ENTPD1: variants seen among roughly 807,000 people sequenced by gnomAD.
The protein encoded by ENTPD1 is ectonucleoside triphosphate diphosphohydrolase 1, also known as ATP diphosphohydrolase.
Under a neutral mutation model 57.0 loss-of-function variants are expected in ENTPD1, and 33 were observed. The ratio of observed to expected loss-of-function variants is 0.58; its 90% CI spans 0.44 to 0.77. The LOEUF (loss-of-function observed/expected upper bound fraction) is 0.77, where lower values mean the gene tolerates loss of function less well. Ranked by LOEUF, ENTPD1 falls within the 30% of genes least tolerant of loss-of-function variation. ENTPD1 has a pLI of 0.00. For missense variants in ENTPD1, 501 were observed against 603.4 expected (o/e 0.83, Z 1.78); for synonymous variants, 202 against 218.8 (o/e 0.92, Z 0.68).
At chr10:95,712,034 T>A (rs1589632407) in intron 1 of ENTPD1, 2 of 1,613,262 alleles carry the variant, frequency 1.2e-6, no homozygotes, top group Non-Finnish European at 1.7e-6. Flanking sequence ...CCTCTCTCCC[T>A]CTGTGGAATC....
chr10:95,731,287 C>T (rs2097988746), intron 1 of ENTPD1, among the ~76,000 whole-genome samples: 1 of 152,120 alleles, frequency 6.6e-6, no homozygotes, highest in South Asian at 2.1e-4. Flanking sequence ...TGGTTAGGTT[C>T]AGCAGGAGAT....
upstream of ENTPD1, chr10:95,755,954 A>T: frequency 1.4e-6 from 2 of 1,471,448 alleles, no homozygotes; most frequent in Non-Finnish European, 1.8e-6. Flanking sequence ...TTGAATATAC[A>T]TTGCTTCAAG....
intron 6 of ENTPD1, among the ~76,000 whole-genome samples, chr10:95,846,626 CAA>C (rs1300926712): frequency 6.6e-6 from 1 of 152,160 alleles, no homozygotes; most frequent in African/African-American, 2.4e-5. Context: ...CACTGAGCCT[CAA>C]AGCTCCACTA....
At chr10:95,752,691 T>C (rs1302251237), upstream of ENTPD1, among the ~76,000 whole-genome samples, 1 of 152,144 alleles carries the variant, frequency 6.6e-6, no homozygotes, top group Non-Finnish European at 1.5e-5. Flanking sequence ...ATATTAATCA[T>C]TTAAAATTTA....
chr10:95,751,130 G>T (rs2098011331), upstream of ENTPD1, among the ~76,000 whole-genome samples: 1 of 152,124 alleles, frequency 6.6e-6, no homozygotes, highest in Non-Finnish European at 1.5e-5. Flanking sequence ...AGTTTAGAGA[G>T]GTAGAGAGAG....
In ENTPD1 at chr10:95,860,555, A is replaced by G. The variant is rs1460826835; in HGVS notation, c.1161A>G (p.Lys387=). The G allele has an allele frequency of 6.2e-7, 1 of 1,613,892 alleles. No homozygotes were observed. The highest frequency in any genetic ancestry group is 1.1e-5 in the South Asian group (1 of 91,080). ...VSQEKVTEMM[K]KFCAQPWEEI... is the part of the protein sequence containing the mutation. Reference sequence around the variant, plus strand: ...AGGAAAAGGTGACTGAGATGATGAAAAAGTTCTGTGCTCAGCCTTGGGAGG... The same window carrying G: ...AGGAAAAGGTGACTGAGATGATGAAGAAGTTCTGTGCTCAGCCTTGGGAGG... Residue 387 remains lysine (K), a synonymous_variant, in exon 8 of 10, where the codon AAA becomes AAG. Coordinates refer to ENST00000371205, the MANE Select transcript of ENTPD1 (RefSeq NM_001776.6).
intron 1 of ENTPD1, among the ~76,000 whole-genome samples, chr10:95,799,897 T>C (rs2098241745): frequency 1.3e-5 from 2 of 152,218 alleles, no homozygotes; most frequent in Admixed American, 1.3e-4. Context: ...TGTTGAGCTT[T>C]TTTTATATGA....
chr10:95,697,112 A>G, the ENTPD1 span, among the ~76,000 whole-genome samples: 1 of 152,218 alleles, frequency 6.6e-6, no homozygotes, highest in African/African-American at 2.4e-5. Context: ...CCTTATACAG[A>G]AATGGAAGTG....
chr10:95,710,374 C>T (rs183039582), upstream of ENTPD1, among the ~76,000 whole-genome samples: 6 of 152,210 alleles, frequency 3.9e-5, no homozygotes, highest in Admixed American at 3.9e-4. Flanking sequence ...CACTGCATTC[C>T]AGCTTGGGCA....
intron 1 of ENTPD1, among the ~76,000 whole-genome samples, chr10:95,737,759 T>C (rs1360346094): frequency 6.6e-6 from 1 of 152,212 alleles, no homozygotes; most frequent in Non-Finnish European, 1.5e-5. Flanking sequence ...GAATTTTGTT[T>C]TGTATTTATT....
At chr10:95,859,141 A>G (rs1310038825) in intron 7 of ENTPD1, among the ~76,000 whole-genome samples, 1 of 152,232 alleles carries the variant, frequency 6.6e-6, no homozygotes, top group Non-Finnish European at 1.5e-5. Context: ...TATTAGATAT[A>G]TATGTATAAG....
At chr10:95,728,768 A>G (rs940645045) in intron 1 of ENTPD1, among the ~76,000 whole-genome samples, 3 of 152,228 alleles carry the variant, frequency 2.0e-5, no homozygotes, top group Non-Finnish European at 4.4e-5. Context: ...GAAGGTAGCT[A>G]TGAAATCATT....
chr10:95,695,843 G>T, the ENTPD1 span, among the ~76,000 whole-genome samples: 3 of 152,054 alleles, frequency 2.0e-5, no homozygotes, highest in Non-Finnish European at 2.9e-5. Flanking sequence ...ATTAAAAATT[G>T]TTTTGTTGAA....
chr10:95,740,520 G>A (rs565181440), intron 1 of ENTPD1, among the ~76,000 whole-genome samples: 11 of 152,172 alleles, frequency 7.2e-5, no homozygotes, highest in South Asian at 4.1e-4. Flanking sequence ...GCCCTAACAA[G>A]AGAGTCATCC....
At chr10:95,824,447 G>T (rs921109209) in intron 2 of ENTPD1, among the ~76,000 whole-genome samples, 4 of 152,218 alleles carry the variant, frequency 2.6e-5, no homozygotes, top group African/African-American at 9.6e-5. Context: ...TTTTTGTCAA[G>T]TTCAACCCAG....
chr10:95,759,356 G>T (rs2098045681), intron 1 of ENTPD1, among the ~76,000 whole-genome samples: 1 of 152,188 alleles, frequency 6.6e-6, no homozygotes, highest in African/African-American at 2.4e-5. Flanking sequence ...GTGAAGCTCT[G>T]GCTGAACTTC....
rs2098360406 is a variant in ENTPD1 at position 95,823,257 on chromosome 10, T to C, written c.37T>C (p.Cys13Arg). 2 of 1,614,188 alleles carry C rather than the reference T, an allele frequency of 1.2e-6. No individual in the cohort carries two copies. The highest frequency in any genetic ancestry group is 1.3e-5 in the African/African-American group (1 of 75,066). ...DTKESNVKTFCSKNILAILGF... is the reference protein window; with the variant it reads ...DTKESNVKTFRSKNILAILGF... ...TTTAGAGTCTAACGTGAAGACATTT[T>C]GCTCCAAGAATATCCTAGCCATCCT... The change falls in exon 2 of 10, where the codon TGC (cysteine) becomes CGC (arginine). Residue 13 changes from cysteine (C) to arginine (R), a missense_variant. Coordinates refer to ENST00000371205, the MANE Select transcript of ENTPD1 (RefSeq NM_001776.6).
Position 95,876,763 on chromosome 10 carries a change from T to C in ENTPD1, c.*10380T>C. 3.1e-6 allele frequency: 2 copies of C among 651,396 alleles called. No individual in the cohort carries two copies. Among genetic ancestry groups the C allele is most frequent in the Non-Finnish European group, 4.1e-6 (2 of 487,760 alleles). The allele number at this position is 651,396 out of a possible 1,614,324, so 40.4% of individuals were successfully genotyped here. A position where few individuals can be genotyped will look rare whatever the true frequency, so the allele number is the denominator to read the frequency against. ...CACATCCATGTGCCCATCACAGAAC[T>C]TCACTGATTATCATCATTTAGCCAG... is the stretch of plus-strand genomic sequence containing the variant. On this transcript the variant is annotated 3_prime_UTR_variant, in exon 10 of 10. Coordinates refer to ENST00000371205, the MANE Select transcript of ENTPD1 (RefSeq NM_001776.6).
intron 1 of ENTPD1, among the ~76,000 whole-genome samples, chr10:95,784,815 G>A (rs1425400524): frequency 1.3e-5 from 2 of 152,168 alleles, no homozygotes; most frequent in South Asian, 2.1e-4. Flanking sequence ...AAAGCTTCAA[G>A]TCTCTCATTA....
Sources: allele counts gnomAD v4.1 joint callset (sites outside exome capture counted in the v4.1 genomes callset), GRCh38; gene constraint gnomAD v4.1.1; transcripts MANE v1.5; gene names NCBI Gene and HGNC (gene_info 2026-07-23, HGNC 2026-07-21).